CERS6: variants seen among roughly 807,000 people sequenced by gnomAD.
The protein encoded by CERS6 is ceramide synthase 6.
In CERS6, 26 loss-of-function variants were observed where a neutral mutation model predicts 56.8. The ratio of observed to expected loss-of-function variants is 0.46; its 90% CI spans 0.34 to 0.63. The LOEUF (loss-of-function observed/expected upper bound fraction) is 0.63. Ranked by LOEUF, CERS6 falls within the 30% of genes least tolerant of loss-of-function variation. The probability of loss-of-function intolerance (pLI) is 0.01; values close to 1 mark genes in which losing one functional copy is unlikely to be tolerated. For synonymous variants in CERS6, 164 were observed against 173.3 expected, an observed-to-expected ratio of 0.95 and a Z score of 0.42; for missense variants, 415 against 467.5, an observed-to-expected ratio of 0.89 and a Z score of 1.04.
chr2:168,652,050 G>C (rs143551524), intron 4 of CERS6, among the ~76,000 whole-genome samples: 3,815 of 145,834 alleles, frequency 0.026, 65 homozygotes, highest in South Asian at 0.05. Flanking sequence ...TTTTTTGGCA[G>C]CTTCACAACA....
chr2:168,599,092 C>G (rs948968896), intron 3 of CERS6, among the ~76,000 whole-genome samples: 1 of 152,196 alleles, frequency 6.6e-6, no homozygotes, highest in African/African-American at 2.4e-5. Flanking sequence ...AGAGGCATAA[C>G]CTACTCTTCT....
chr2:168,723,059 A>G (rs1373186792), intron 8 of CERS6, among the ~76,000 whole-genome samples: 4 of 152,188 alleles, frequency 2.6e-5, no homozygotes, highest in Non-Finnish European at 4.4e-5. Context: ...AGGATAAAGA[A>G]AGTGGCAACT....
intron 1 of CERS6, among the ~76,000 whole-genome samples, chr2:168,490,588 A>C (rs953750601): frequency 7.9e-5 from 12 of 152,172 alleles, no homozygotes; most frequent in African/African-American, 2.9e-4. Context: ...TTGAGTATCG[A>C]GCACATGCTT....
At chr2:168,465,662 T>C (rs1433759573) in intron 1 of CERS6, among the ~76,000 whole-genome samples, 1 of 152,210 alleles carries the variant, frequency 6.6e-6, no homozygotes, top group African/African-American at 2.4e-5. Context: ...ATCCTACTTA[T>C]ATAAGGTACC....
intron 4 of CERS6, among the ~76,000 whole-genome samples, chr2:168,665,992 A>G (rs867125513): frequency 2.3e-5 from 2 of 86,850 alleles, no homozygotes; most frequent in African/African-American, 5.3e-5. Flanking sequence ...GTGTGTGTGT[A>G]GTTTTAGGTT....
intron 1 of CERS6, among the ~76,000 whole-genome samples, chr2:168,521,320 T>G (rs557360031): frequency 1.3e-5 from 2 of 152,302 alleles, no homozygotes; most frequent in East Asian, 3.9e-4. Flanking sequence ...CTTTTTTTGT[T>G]CCTATTGATT....
chr2:168,609,286 CT>C (rs888557746), intron 3 of CERS6, among the ~76,000 whole-genome samples: 2 of 152,198 alleles, frequency 1.3e-5, no homozygotes, highest in Non-Finnish European at 2.9e-5. Context: ...GTCACCACCC[CT>C]GGCCTCCCTT....
At chr2:168,482,091 G>A (rs1203893017) in intron 1 of CERS6, among the ~76,000 whole-genome samples, 1 of 152,158 alleles carries the variant, frequency 6.6e-6, no homozygotes, top group Non-Finnish European at 1.5e-5. Context: ...ATAAATTATG[G>A]CATTTAAACT....
In CERS6 at chr2:168,746,789, A is replaced by ACCCT. The variant is rs1684111538; in HGVS notation, c.846-18803_846-18802insCCCT. ...AAGGGTAAAGGGTATATATATATATATATATATATATATATATATATATAT... is the reference window on the plus strand; with the variant it reads ...AAGGGTAAAGGGTATATATATATATACCCTTATATATATATATATATATATATAT... On this transcript the variant is annotated intron_variant, in intron 8 of 9. Coordinates refer to ENST00000305747, the MANE Select transcript of CERS6 (RefSeq NM_203463.3). 1.5e-4 allele frequency among the ~76,000 whole-genome samples: 13 copies of ACCCT among 84,740 alleles called. No individual in the cohort carries two copies. In the South Asian group the frequency reaches 4.9e-3, roughly 32 times the overall value. 55.6% of individuals were successfully genotyped at this position (84,740 alleles called of 152,430 possible). A position where few individuals can be genotyped will look rare whatever the true frequency, so the allele number is the denominator to read the frequency against.
intron 8 of CERS6, among the ~76,000 whole-genome samples, chr2:168,752,357 A>G (rs1684300044): frequency 6.7e-6 from 1 of 148,690 alleles, no homozygotes. Context: ...TGACACTGGA[A>G]TGTGTCCAGC....
At chr2:168,617,389 AGAACTAAATGAAATT>A (rs1388453298) in intron 3 of CERS6, among the ~76,000 whole-genome samples, 1 of 152,234 alleles carries the variant, frequency 6.6e-6, no homozygotes, top group Non-Finnish European at 1.5e-5. Flanking sequence ...GAATCAGAGC[AGAACTAAATGAAATT>A]GAAACAAAAA....
chr2:168,654,789 G>A lies in CERS6; in HGVS notation c.465+23747G>A, dbSNP rs150839304. 7.9e-4 allele frequency among the ~76,000 whole-genome samples: 120 copies of A among 152,268 alleles called. 1 individual carries two copies. In the East Asian group the frequency reaches 0.022, roughly 27 times the overall value. On this transcript the variant is annotated intron_variant, in intron 4 of 9. Coordinates refer to ENST00000305747, the MANE Select transcript of CERS6 (RefSeq NM_203463.3). ...ATGATGATCCCAATGCTTATCTCAT[G>A]GTTTTATAGAACACTTAACTTTTAC...
intron 2 of CERS6, among the ~76,000 whole-genome samples, chr2:168,555,055 A>G (rs1695651084): frequency 6.6e-6 from 1 of 152,130 alleles, no homozygotes; most frequent in Non-Finnish European, 1.5e-5. Context: ...TCTAAGGAGC[A>G]TAATTAGGAA....
intron 8 of CERS6, among the ~76,000 whole-genome samples, chr2:168,722,796 A>T (rs1162405326): frequency 6.6e-6 from 1 of 152,128 alleles, no homozygotes; most frequent in Non-Finnish European, 1.5e-5. Context: ...TATCCAAGGG[A>T]GTGTTGATTA....
intron 1 of CERS6, among the ~76,000 whole-genome samples, chr2:168,469,976 C>T (rs1170549327): frequency 1.3e-5 from 2 of 152,092 alleles, no homozygotes; most frequent in Admixed American, 1.3e-4. Context: ...GACCTGGAAC[C>T]CTAGCAGTGC....
intron 5 of CERS6, among the ~76,000 whole-genome samples, chr2:168,693,789 T>G (rs1308655338): frequency 6.6e-6 from 1 of 152,098 alleles, no homozygotes; most frequent in Non-Finnish European, 1.5e-5. Context: ...CACATTGGGA[T>G]TAGGCTTCAT....
chr2:168,456,860 G>T lies in CERS6; in HGVS notation c.170+242G>T, dbSNP rs998725801. The stretch of plus-strand genomic sequence containing the variant: ...GGAGGAGCCGCGGAGCGTTAGGGTC[G>T]CCCCCTGCCCTCCTCCTGGGCCCTG... On this transcript the variant is annotated intron_variant, in intron 1 of 9. Transcript: ENST00000305747. The surrounding 1 kb of genome is among the most constrained non-coding windows in gnomAD (Gnocchi z 4.1). Among the ~76,000 whole-genome samples the T allele has an allele frequency of 2.0e-5, 3 of 152,164 alleles. No homozygotes were observed. Among genetic ancestry groups the T allele is most frequent in the African/African-American group, 7.2e-5 (3 of 41,452 alleles).
intron 1 of CERS6, among the ~76,000 whole-genome samples, chr2:168,508,199 G>A (rs140697016): frequency 2.4e-4 from 37 of 152,254 alleles, no homozygotes; most frequent in Non-Finnish European, 4.6e-4. Context: ...TTTACAATAG[G>A]GTTGTCTAAC....
chr2:168,543,892 T>C (rs1695416324), intron 1 of CERS6, among the ~76,000 whole-genome samples: 1 of 152,254 alleles, frequency 6.6e-6, no homozygotes, highest in Non-Finnish European at 1.5e-5. Context: ...GAGTGGTCAG[T>C]CTCCTACCTT....
Sources: allele counts gnomAD v4.1 joint callset (sites outside exome capture counted in the v4.1 genomes callset), GRCh38; gene constraint gnomAD v4.1.1; non-coding constraint Gnocchi (gnomAD v3.1); transcripts MANE v1.5; gene names NCBI Gene and HGNC (gene_info 2026-07-23, HGNC 2026-07-21).